The following ENTREP2 variants were observed in gnomAD, a reference collection of about 807,000 sequenced individuals.
ENTREP2 encodes protein ENTREP2.
At chr15:29,385,879 G>C in the ENTREP2 span, among the ~76,000 whole-genome samples, 4 of 151,726 alleles carry the variant, frequency 2.6e-5, no homozygotes, top group Non-Finnish European at 5.9e-5. Context: ...TAGTGGGCAT[G>C]GACACAAGCA....
the ENTREP2 span, among the ~76,000 whole-genome samples, chr15:29,305,517 G>C: frequency 6.6e-6 from 1 of 152,324 alleles, no homozygotes; most frequent in South Asian, 2.1e-4. Context: ...GAAGTGGCTG[G>C]ACCCTGGATA....
At chr15:29,153,943 A>T in the ENTREP2 span, among the ~76,000 whole-genome samples, 1 of 152,328 alleles carries the variant, frequency 6.6e-6, no homozygotes, top group African/African-American at 2.4e-5. Context: ...AGTAACTGAG[A>T]CCACACATGC....
the ENTREP2 span, among the ~76,000 whole-genome samples, chr15:29,217,290 T>C: frequency 1.9e-3 from 296 of 152,258 alleles, 1 homozygote; most frequent in Non-Finnish European, 5.3e-4. Flanking sequence ...AGAGCCAAGA[T>C]AGAATCTGTC....
the ENTREP2 span, among the ~76,000 whole-genome samples, chr15:29,444,207 AAAGAAAGAAAGAAAG>A: frequency 6.8e-6 from 1 of 147,230 alleles, no homozygotes; most frequent in African/African-American, 2.6e-5. Flanking sequence ...AGAAAGAAAG[AAAGAAAGAAAGAAAG>A]AAAGAAAGAA....
the ENTREP2 span, among the ~76,000 whole-genome samples, chr15:29,236,697 C>T: frequency 1.3e-5 from 2 of 152,202 alleles, no homozygotes; most frequent in South Asian, 4.2e-4. Flanking sequence ...CATTAAAATT[C>T]TCCAAAATAA....
At chr15:29,275,780 A>T in the ENTREP2 span, among the ~76,000 whole-genome samples, 2 of 152,246 alleles carry the variant, frequency 1.3e-5, no homozygotes, top group Admixed American at 6.5e-5. Flanking sequence ...AAAAGGCTTT[A>T]ATTTTTCTGA....
chr15:29,257,070 ATTTATTTATTTAT>A, the ENTREP2 span, among the ~76,000 whole-genome samples: 1 of 150,078 alleles, frequency 6.7e-6, no homozygotes, highest in African/African-American at 2.4e-5. Context: ...TTATTTATTT[ATTTATTTATTTAT>A]TTATCTTGAG....
chr15:29,249,016 T>C, the ENTREP2 span, among the ~76,000 whole-genome samples: 11 of 152,210 alleles, frequency 7.2e-5, no homozygotes, highest in Admixed American at 7.2e-4. Flanking sequence ...AATAAAGTTG[T>C]AGAATATTTT....
At chr15:29,666,584 C>A in the ENTREP2 span, among the ~76,000 whole-genome samples, 1 of 152,186 alleles carries the variant, frequency 6.6e-6, no homozygotes, top group African/African-American at 2.4e-5. Flanking sequence ...AACCTCCTCT[C>A]CCTTATGGAA....
the ENTREP2 span, among the ~76,000 whole-genome samples, chr15:29,470,165 G>A: frequency 8.5e-5 from 13 of 152,180 alleles, no homozygotes; most frequent in African/African-American, 3.1e-4. Context: ...AGACAGTCAC[G>A]GCGTGTGTGT....
chr15:29,430,538 C>T, the ENTREP2 span, among the ~76,000 whole-genome samples: 2 of 152,110 alleles, frequency 1.3e-5, no homozygotes, highest in East Asian at 3.9e-4. Flanking sequence ...CACAGCTACT[C>T]GGGAGGCTAA....
chr15:29,444,764 C>T, the ENTREP2 span, among the ~76,000 whole-genome samples: 2 of 152,154 alleles, frequency 1.3e-5, no homozygotes, highest in South Asian at 2.1e-4. Context: ...CACACCTGGC[C>T]GGCAGATTTC....
At chr15:29,663,821 C>A in the ENTREP2 span, among the ~76,000 whole-genome samples, 3 of 152,028 alleles carry the variant, frequency 2.0e-5, no homozygotes, top group African/African-American at 7.3e-5. Flanking sequence ...ATGTAACAAA[C>A]CTGCACGTTG....
chr15:29,524,048 A>G, the ENTREP2 span, among the ~76,000 whole-genome samples: 2 of 152,224 alleles, frequency 1.3e-5, no homozygotes, highest in South Asian at 4.1e-4. Context: ...TCAAAATTAC[A>G]AATTTTGTGC....
At chr15:29,653,911 G>A in the ENTREP2 span, among the ~76,000 whole-genome samples, 1 of 152,160 alleles carries the variant, frequency 6.6e-6, no homozygotes, top group Non-Finnish European at 1.5e-5. Flanking sequence ...ATTTTTAAAT[G>A]CATCTCTGAC....
the ENTREP2 span, among the ~76,000 whole-genome samples, chr15:29,397,261 T>C: frequency 6.6e-6 from 1 of 152,090 alleles, no homozygotes; most frequent in African/African-American, 2.4e-5. Flanking sequence ...CATGGTGGTA[T>C]GTGCCTGTAG....
the ENTREP2 span, among the ~76,000 whole-genome samples, chr15:29,286,088 T>C: frequency 2.0e-5 from 3 of 152,134 alleles, no homozygotes; most frequent in Non-Finnish European, 4.4e-5. Context: ...CCATTAAACA[T>C]CATATGTAAA....
At chr15:29,553,028 G>A in the ENTREP2 span, among the ~76,000 whole-genome samples, 9 of 152,240 alleles carry the variant, frequency 5.9e-5, no homozygotes, top group Non-Finnish European at 1.3e-4. Context: ...GGGTGTGGTG[G>A]CTCACGCCTG....
chr15:29,296,181 A>G, the ENTREP2 span, among the ~76,000 whole-genome samples: 2 of 152,190 alleles, frequency 1.3e-5, no homozygotes, highest in Non-Finnish European at 2.9e-5. Flanking sequence ...CTATGTATAT[A>G]TACACATCCT....
Sources: gnomAD v4.1 joint callset for allele counts (sites outside exome capture counted in the v4.1 genomes callset) on GRCh38, gnomAD v4.1.1 for gene constraint, MANE v1.5 for transcripts, NCBI Gene and HGNC (gene_info 2026-07-23, HGNC 2026-07-21) for gene names.